Variants in HDAC9 observed in about 807,000 individuals in gnomAD.
HDAC9 encodes the protein histone deacetylase 9, also known as MEF-2 interacting transcription repressor (MITR) protein.
In HDAC9, 41 loss-of-function variants were observed where a neutral mutation model predicts 139.4. The ratio of observed to expected loss-of-function variants is 0.29; its 90% CI spans 0.23 to 0.38. The LOEUF (loss-of-function observed/expected upper bound fraction) is 0.38. Among genes scored for constraint, HDAC9 ranks in the 10% least tolerant of loss-of-function variants. The pLI, the probability that HDAC9 is intolerant of heterozygous loss-of-function variation, is 1.00. For synonymous variants in HDAC9, 517 were observed against 476.2 expected, an observed-to-expected ratio of 1.09 and a Z score of -1.12; for missense variants, 1,147 against 1,297.0, an observed-to-expected ratio of 0.88 and a Z score of 1.78.
chr7:18,593,628 A>G (rs1831615485), intron 5 of HDAC9, among the ~76,000 whole-genome samples: 1 of 152,126 alleles, frequency 6.6e-6, no homozygotes, highest in African/African-American at 2.4e-5. Context: ...GTAATCTCAA[A>G]TTGTCAAAAG....
intron 2 of HDAC9, among the ~76,000 whole-genome samples, chr7:18,232,552 T>C (rs939470242): frequency 9.2e-5 from 14 of 152,232 alleles, no homozygotes; most frequent in Admixed American, 8.5e-4. Context: ...TAGTTATTTC[T>C]ATTTGTGTTT....
chr7:18,445,200 C>G (rs577861908), intron 1 of HDAC9, among the ~76,000 whole-genome samples: 14 of 152,246 alleles, frequency 9.2e-5, no homozygotes, highest in South Asian at 6.2e-4. Context: ...CCTACTTAAT[C>G]AACTGTAATC....
At chr7:18,748,614 C>G (rs1562910061) in intron 13 of HDAC9, among the ~76,000 whole-genome samples, 1 of 152,102 alleles carries the variant, frequency 6.6e-6, no homozygotes, top group South Asian at 2.1e-4. Context: ...TTTAGTGGCT[C>G]CAATGGTGTG....
At chr7:18,347,544 A>G (rs768388086) in intron 1 of HDAC9, among the ~76,000 whole-genome samples, 7 of 152,198 alleles carry the variant, frequency 4.6e-5, no homozygotes, top group Non-Finnish European at 1.0e-4. Flanking sequence ...AGTTAAACAA[A>G]GGGATCTTAG....
intron 2 of HDAC9, among the ~76,000 whole-genome samples, chr7:18,539,997 T>C (rs111273481): frequency 0.036 from 5,370 of 151,058 alleles, 326 homozygotes; most frequent in African/African-American, 0.12. Flanking sequence ...GTGGCTCATG[T>C]CTGTAATCCC....
At chr7:18,586,978 T>C (rs1429526515) in intron 3 of HDAC9, among the ~76,000 whole-genome samples, 5 of 152,110 alleles carry the variant, frequency 3.3e-5, no homozygotes, top group African/African-American at 7.2e-5. Flanking sequence ...CATGTTAAGA[T>C]GGCAAAGAGA....
At chr7:18,424,037 C>G (rs1171895582) in intron 1 of HDAC9, among the ~76,000 whole-genome samples, 1 of 152,116 alleles carries the variant, frequency 6.6e-6, no homozygotes, top group Non-Finnish European at 1.5e-5. Flanking sequence ...TACATATCAC[C>G]TATAAATATG....
chr7:18,809,923 G>A (rs1433297303), intron 17 of HDAC9, among the ~76,000 whole-genome samples: 1 of 151,934 alleles, frequency 6.6e-6, no homozygotes, highest in East Asian at 1.9e-4. Context: ...GCCCTCTCAT[G>A]CTCTTTGAAG....
At chr7:18,177,295 T>C (rs935351812) in intron 2 of HDAC9, among the ~76,000 whole-genome samples, 2 of 152,242 alleles carry the variant, frequency 1.3e-5, no homozygotes, top group African/African-American at 4.8e-5. Flanking sequence ...GATCTGTGTC[T>C]GAGCTTCCTG....
intron 21 of HDAC9, among the ~76,000 whole-genome samples, chr7:18,839,214 T>A (rs934731780): frequency 1.3e-5 from 2 of 152,066 alleles, no homozygotes; most frequent in African/African-American, 2.4e-5. Context: ...GGGTCTTACA[T>A]GCCAGGTCCT....
intron 10 of HDAC9, 71 bp from the exon 11 acceptor site, chr7:18,648,395 A>ATTGTGTGTGTGTGTAT (rs1788090109): frequency 1.9e-5 from 24 of 1,236,200 alleles, no homozygotes; most frequent in Non-Finnish European, 2.7e-5. Flanking sequence ...TTTTCTTAAA[A>ATTGTGTGTGTGTGTAT]TTGTGTGTGT....
chr7:18,823,969 C>A (rs1253490525), intron 17 of HDAC9, among the ~76,000 whole-genome samples: 1 of 144,042 alleles, frequency 6.9e-6, no homozygotes, highest in East Asian at 2.1e-4. Flanking sequence ...CAGGGCAAGA[C>A]CCTGTGAAAG....
At chr7:18,863,836 AGGCAAGG>A (rs1798289005) in intron 21 of HDAC9, among the ~76,000 whole-genome samples, 1 of 152,158 alleles carries the variant, frequency 6.6e-6, no homozygotes, top group Non-Finnish European at 1.5e-5. Flanking sequence ...GGTTTGAATG[AGGCAAGG>A]GAGCTAGGCC....
At chr7:18,507,300 C>G (rs1273405231) in intron 2 of HDAC9, among the ~76,000 whole-genome samples, 1 of 149,870 alleles carries the variant, frequency 6.7e-6, no homozygotes, top group African/African-American at 2.5e-5. Context: ...ACACCAATCT[C>G]CCACCTCAGC....
chr7:18,757,431 T>G (rs889972963), intron 14 of HDAC9, among the ~76,000 whole-genome samples: 1 of 152,190 alleles, frequency 6.6e-6, no homozygotes, highest in African/African-American at 2.4e-5. Context: ...CATTTTCTCT[T>G]AGTTTGGAAC....
chr7:18,690,694 G>T (rs1311776261), intron 12 of HDAC9, among the ~76,000 whole-genome samples: 3 of 151,876 alleles, frequency 2.0e-5, no homozygotes, highest in African/African-American at 7.3e-5. Context: ...ATAGAAAAGA[G>T]AAGTCTAATT....
In HDAC9 at chr7:18,771,957, CTTG is replaced by C. The variant is rs982538799; in HGVS notation, c.2214+4809_2214+4811del. ...GAAGGGCAGGAAGAATAAGATAAGGCTTGTTGTTGATGACTAGACAAGGTGCAG... is the reference window on the plus strand; with the variant it reads ...GAAGGGCAGGAAGAATAAGATAAGGCTTGTTGATGACTAGACAAGGTGCAG... On this transcript the variant is annotated intron_variant, in intron 16 of 25. Transcript: ENST00000686413. 2.7e-4 allele frequency among the ~76,000 whole-genome samples: 41 copies of C among 152,230 alleles called. 1 individual carries two copies. The highest frequency in any genetic ancestry group is 3.4e-3 in the Middle Eastern group (1 of 294).
intron 2 of HDAC9, among the ~76,000 whole-genome samples, chr7:18,529,854 CTT>C (rs1268297852): frequency 2.0e-5 from 3 of 152,254 alleles, no homozygotes; most frequent in African/African-American, 7.2e-5. Flanking sequence ...GACATTCACT[CTT>C]TTAAAATGAA....
intron 2 of HDAC9, among the ~76,000 whole-genome samples, chr7:18,522,306 C>G (rs576231975): frequency 1.1e-4 from 17 of 152,196 alleles, no homozygotes; most frequent in South Asian, 6.2e-4. Context: ...AGTAAGTGCT[C>G]TTTAGATGTG....
Sources: gnomAD v4.1 joint callset for allele counts (sites outside exome capture counted in the v4.1 genomes callset) on GRCh38, gnomAD v4.1.1 for gene constraint, MANE v1.5 for transcripts, NCBI Gene and HGNC (gene_info 2026-07-23, HGNC 2026-07-21) for gene names.